Variants in DST observed in about 807,000 individuals in gnomAD.
The protein encoded by DST is bullous pemphigoid antigen.
Under a neutral mutation model 875.2 loss-of-function variants are expected in DST, and 253 were observed. The observed-to-expected ratio is 0.29, with a 90% confidence interval of 0.26 to 0.32. The LOEUF (loss-of-function observed/expected upper bound fraction) is 0.32. DST is among the 10% of genes least tolerant of loss of function. The pLI, the probability that DST is intolerant of heterozygous loss-of-function variation, is 1.00. For missense variants in DST, 8,287 were observed against 9,111.6 expected (o/e 0.91, Z 3.68); for synonymous variants, 3,124 against 3,197.1 (o/e 0.98, Z 0.77).
intron 36 of DST, chr6:56,617,908 TTAGTC>T (rs1321799485): frequency 7.1e-6 from 9 of 1,276,428 alleles, no homozygotes; most frequent in Non-Finnish European, 1.0e-5. Context: ...TTTTAAAAAT[TTAGTC>T]TAGGAGAGAA....
At chr6:56,686,915 C>T (rs1032727304) in intron 9 of DST, among the ~76,000 whole-genome samples, 1 of 152,190 alleles carries the variant, frequency 6.6e-6, no homozygotes, top group Admixed American at 6.5e-5. Context: ...ATCCTCAAAA[C>T]AAGAAACCAC....
In DST at chr6:56,513,294, G is replaced by A. The variant is rs191224621; in HGVS notation, c.18577-1894C>T. ...TGCCCAGGCTGGAGTGCCGTGGCACGATCTTGGCTCACCACAACCTCCGCC... is the reference window on the plus strand; with the variant it reads ...TGCCCAGGCTGGAGTGCCGTGGCACAATCTTGGCTCACCACAACCTCCGCC... On this transcript the variant is annotated intron_variant, in intron 72 of 103. Transcript: ENST00000680361. 3.5e-3 allele frequency among the ~76,000 whole-genome samples: 530 copies of A among 150,494 alleles called. 1 individual carries two copies. The highest frequency in any genetic ancestry group is 6.8e-3 in the Middle Eastern group (2 of 294).
At chr6:56,778,294 G>C (rs534988181) in intron 4 of DST, among the ~76,000 whole-genome samples, 3 of 149,838 alleles carry the variant, frequency 2.0e-5, no homozygotes, top group Admixed American at 1.3e-4. Context: ...CAGAAATATT[G>C]CAAGAGGATT....
intron 2 of DST, among the ~76,000 whole-genome samples, chr6:56,947,923 C>CTCTATACATACTATGTTTTTTT (rs1820474660): frequency 6.6e-6 from 1 of 150,552 alleles, no homozygotes; most frequent in Non-Finnish European, 1.5e-5. Context: ...TAGTACTAAA[C>CTCTATACATACTATGTTTTTTT]CCTATACATA....
At chr6:56,489,467 G>T in intron 86 of DST, 23 bp downstream of exon 86, 1 of 1,602,786 alleles carries the variant, frequency 6.2e-7, no homozygotes. Context: ...GAGACAATAT[G>T]CTCTTCTTAA....
At chr6:56,822,180 C>A (rs1407351253) in intron 4 of DST, among the ~76,000 whole-genome samples, 2 of 152,126 alleles carry the variant, frequency 1.3e-5, no homozygotes, top group African/African-American at 4.8e-5. Context: ...CTGTAAATAA[C>A]TAAATATACA....
At chr6:56,875,987 T>C (rs1448691629) in intron 3 of DST, among the ~76,000 whole-genome samples, 1 of 152,148 alleles carries the variant, frequency 6.6e-6, no homozygotes, top group Non-Finnish European at 1.5e-5. Context: ...TCTCCACTGC[T>C]TGCCTTACCT....
chr6:56,553,173 T>C lies in DST; in HGVS notation c.15619A>G (p.Lys5207Glu). 1.2e-6 allele frequency: 2 copies of C among 1,614,008 alleles called. No individual in the cohort carries two copies. Among genetic ancestry groups the C allele is most frequent in the Non-Finnish European group, 1.7e-6 (2 of 1,179,902 alleles). Residue 5207 changes from lysine (K) to glutamate (E), a missense_variant, in exon 61 of 104, where the codon AAG (lysine) becomes GAG (glutamate). Lys to Glu is a moderately conservative substitution (Grantham distance 56). Coordinates refer to ENST00000680361, the MANE Select transcript of DST (RefSeq NM_001374736.1). The part of the protein sequence containing the change: ...DPAEGENSIA[K>E]LKSLQKEMDQ... ...ATTTCCTTCTGCAGAGACTTTAACT[T>C]GGCAATAGAATTCTCTCCTTCAGCA...
intron 9 of DST, among the ~76,000 whole-genome samples, chr6:56,691,685 A>G (rs752740998): frequency 2.0e-5 from 3 of 152,156 alleles, no homozygotes; most frequent in Non-Finnish European, 4.4e-5. Context: ...TAAAAACCCC[A>G]GATAAGTAAC....
intron 91 of DST, 137 bp downstream of exon 91, chr6:56,477,208 G>C (rs1025906547): frequency 8.6e-6 from 8 of 927,486 alleles, no homozygotes; most frequent in Admixed American, 6.3e-5. Flanking sequence ...CATACAAGAA[G>C]CGTATTTAAA....
At chr6:56,949,829 A>G (rs1292089345) in intron 2 of DST, among the ~76,000 whole-genome samples, 3 of 152,230 alleles carry the variant, frequency 2.0e-5, no homozygotes, top group African/African-American at 7.2e-5. Flanking sequence ...TTCTTAATGA[A>G]AGATGAAAAT....
chr6:56,755,427 T>C (rs995832127), intron 4 of DST, among the ~76,000 whole-genome samples: 1 of 152,202 alleles, frequency 6.6e-6, no homozygotes, highest in African/African-American at 2.4e-5. Context: ...TCACACTGCA[T>C]TGGCAGAATA....
intron 4 of DST, among the ~76,000 whole-genome samples, chr6:56,824,797 C>T (rs1415951554): frequency 2.0e-5 from 3 of 151,486 alleles, no homozygotes; most frequent in Non-Finnish European, 2.9e-5. Context: ...AAGTGAGGAG[C>T]CCCTCCGTCC....
chr6:56,644,647 A>G (rs757844899), intron 15 of DST, among the ~76,000 whole-genome samples: 2 of 152,234 alleles, frequency 1.3e-5, no homozygotes, highest in Non-Finnish European at 2.9e-5. Context: ...GAAACATGAG[A>G]GTTCTAAGCA....
chr6:56,806,793 C>G (rs71564861), intron 4 of DST, among the ~76,000 whole-genome samples: 24,781 of 152,104 alleles, frequency 0.16, 2,236 homozygotes, highest in Non-Finnish European at 0.19. Context: ...TACATCAATT[C>G]ACTTAACCCT....
chr6:56,458,943 T>A lies in DST; in HGVS notation c.*62A>T. On this transcript the variant is annotated 3_prime_UTR_variant, in exon 104 of 104. Transcript: ENST00000680361. ...TTTCACAAGAATTTCTACACCATATTTTACATCGTTCAAACTTAAATAATA... is the reference window on the plus strand; with the variant it reads ...TTTCACAAGAATTTCTACACCATATATTACATCGTTCAAACTTAAATAATA... The A allele has an allele frequency of 6.9e-7, 1 of 1,459,298 alleles. No individual in the cohort carries two copies. The allele number at this position is 1,459,298 out of a possible 1,614,324, so 90.4% of individuals were successfully genotyped here.
intron 61 of DST, among the ~76,000 whole-genome samples, chr6:56,537,475 C>CA (rs1156828418): frequency 2.6e-5 from 4 of 152,160 alleles, no homozygotes. Flanking sequence ...CATGGCTTGG[C>CA]AGGAGGGCCA....
At chr6:56,876,803 C>G (rs972642075) in intron 3 of DST, among the ~76,000 whole-genome samples, 1 of 152,184 alleles carries the variant, frequency 6.6e-6, no homozygotes, top group Admixed American at 6.5e-5. Flanking sequence ...TCTACTCTTA[C>G]CCTCACCTGC....
chr6:56,823,561 C>T (rs1343240871), intron 4 of DST, among the ~76,000 whole-genome samples: 1 of 152,102 alleles, frequency 6.6e-6, no homozygotes, highest in Non-Finnish European at 1.5e-5. Flanking sequence ...CAGGTGCACG[C>T]CACCACACCC....
Sources: gnomAD v4.1 joint callset for allele counts (sites outside exome capture counted in the v4.1 genomes callset) on GRCh38, gnomAD v4.1.1 for gene constraint, MANE v1.5 for transcripts, NCBI Gene and HGNC (gene_info 2026-07-23, HGNC 2026-07-21) for gene names.